The following OXSR1 variants were observed in gnomAD, a reference collection of about 807,000 sequenced individuals.
OXSR1 encodes oxidative stress responsive kinase 1.
In OXSR1, 24 loss-of-function variants were observed where a neutral mutation model predicts 79.8. The observed-to-expected ratio is 0.30, with a 90% CI of 0.22 to 0.42. The LOEUF (loss-of-function observed/expected upper bound fraction) is 0.42, where lower values mean the gene tolerates loss of function less well. Ranked by LOEUF, OXSR1 falls within the 10% of genes least tolerant of loss-of-function variation. The pLI, the probability that OXSR1 is intolerant of heterozygous loss-of-function variation, is 1.00. For missense variants in OXSR1, 430 were observed against 618.4 expected (o/e 0.70, Z 3.23); for synonymous variants, 226 against 209.2 (o/e 1.08, Z -0.69).
At chr3:38,242,407 A>G (rs911023026) in intron 11 of OXSR1, among the ~76,000 whole-genome samples, 2 of 152,228 alleles carry the variant, frequency 1.3e-5, no homozygotes, top group African/African-American at 4.8e-5. Context: ...CTGGGATCTT[A>G]TATACATAAT....
upstream of OXSR1, chr3:38,165,040 G>A (rs1337708987): frequency 2.0e-5 from 3 of 152,264 alleles, no homozygotes; most frequent in African/African-American, 7.2e-5. Context: ...GTTACGCCGT[G>A]ACGTCACTCC....
chr3:38,186,547 T>C (rs2125811519), intron 2 of OXSR1, among the ~76,000 whole-genome samples: 1 of 152,338 alleles, frequency 6.6e-6, no homozygotes, highest in Non-Finnish European at 1.5e-5. Context: ...ACATTTCATA[T>C]AAATAGGTTC....
upstream of OXSR1, among the ~76,000 whole-genome samples, chr3:38,164,433 A>C (rs1021650603): frequency 2.3e-4 from 35 of 152,212 alleles, 1 homozygote; most frequent in Admixed American, 2.3e-3. Context: ...GGCGTGAGCC[A>C]CCGCACCCGG....
At chr3:38,234,400 A>G (rs999181426) in intron 10 of OXSR1, among the ~76,000 whole-genome samples, 1 of 152,222 alleles carries the variant, frequency 6.6e-6, no homozygotes, top group African/African-American at 2.4e-5. Flanking sequence ...TTGCAACTCA[A>G]TAATAAAAAG....
chr3:38,245,601 T>A (rs375228132), intron 12 of OXSR1, among the ~76,000 whole-genome samples: 1 of 152,166 alleles, frequency 6.6e-6, no homozygotes, highest in African/African-American at 2.4e-5. Flanking sequence ...AAGATAAATA[T>A]AATGCAAACT....
At chr3:38,208,093 A>G (rs1468271278) in intron 4 of OXSR1, among the ~76,000 whole-genome samples, 3 of 152,010 alleles carry the variant, frequency 2.0e-5, no homozygotes, top group Non-Finnish European at 2.9e-5. Flanking sequence ...ATATCAAGGT[A>G]TGCATACATA....
intron 15 of OXSR1, 61 bp from the exon 16 acceptor site, chr3:38,251,342 T>G: frequency 8.9e-5 from 121 of 1,351,970 alleles, no homozygotes; most frequent in Non-Finnish European, 1.1e-4. Flanking sequence ...ACATGAGCTG[T>G]GAGAGTTAAC....
At chr3:38,208,959 AGTGTGTGTGTGT>A (rs144109114) in intron 4 of OXSR1, among the ~76,000 whole-genome samples, 15 of 146,876 alleles carry the variant, frequency 1.0e-4, no homozygotes, top group African/African-American at 3.9e-4. Context: ...CCAGTTAAGG[AGTGTGTGTGTGT>A]GTGTGTGTGT....
rs1395112194 is a variant in OXSR1, at chr3:38,254,491, G to A, written c.*1600G>A. ...AGAGTAGGTGAGATGATCAGACACC[G>A]GAGTTCAACGTCCCAGCAGTCTTGG... is the stretch of plus-strand genomic sequence containing the variant. On this transcript the variant is annotated 3_prime_UTR_variant, in exon 18 of 18. Transcript: ENST00000311806. 7 of 369,826 alleles carry A rather than the reference G, an allele frequency of 1.9e-5. No individual in the cohort carries two copies. Among genetic ancestry groups the A allele is most frequent in the East Asian group, 1.5e-4 (4 of 25,970 alleles). 22.9% of individuals were successfully genotyped at this position (369,826 alleles called of 1,614,324 possible). A position where few individuals can be genotyped will look rare whatever the true frequency, so the allele number is the denominator to read the frequency against.
rs2125857644 is a variant in OXSR1 at position 38,252,926 on chromosome 3, C to G, written c.*35C>G. 3.2e-6 allele frequency: 5 copies of G among 1,539,720 alleles called. No homozygotes were observed. The highest frequency in any genetic ancestry group is 4.5e-5 in the East Asian group (2 of 44,490). Reference sequence around the variant, plus strand: ...CTGGAAGAGGCGGCCTAAGGAGATTCCACACATGCGTATCTCTGTTGCTTC... The same window carrying G: ...CTGGAAGAGGCGGCCTAAGGAGATTGCACACATGCGTATCTCTGTTGCTTC... On this transcript the variant is annotated 3_prime_UTR_variant, in exon 18 of 18. Transcript: ENST00000311806.
At chr3:38,221,273 G>A (rs967067610) in intron 5 of OXSR1, among the ~76,000 whole-genome samples, 8 of 152,002 alleles carry the variant, frequency 5.3e-5, no homozygotes, top group African/African-American at 1.9e-4. Context: ...TACCTGCTAA[G>A]CTATGTCTTT....
intron 1 of OXSR1, among the ~76,000 whole-genome samples, chr3:38,177,187 T>C (rs1051554703): frequency 6.6e-6 from 1 of 152,334 alleles, no homozygotes; most frequent in East Asian, 1.9e-4. Flanking sequence ...TCTTGTAGAT[T>C]TGTGACCAGC....
intron 11 of OXSR1, among the ~76,000 whole-genome samples, chr3:38,240,216 A>G (rs1423285862): frequency 6.6e-6 from 1 of 152,142 alleles, no homozygotes; most frequent in African/African-American, 2.4e-5. Flanking sequence ...ACAAACCTTG[A>G]GCTCCTTTTA....
chr3:38,243,228 C>G (rs1307563465), intron 12 of OXSR1, among the ~76,000 whole-genome samples: 1 of 151,964 alleles, frequency 6.6e-6, no homozygotes, highest in Non-Finnish European at 1.5e-5. Flanking sequence ...TAGGGTCTCA[C>G]CATGTTGCCC....
At chr3:38,206,189 A>G (rs1414399889) in intron 4 of OXSR1, among the ~76,000 whole-genome samples, 2 of 152,150 alleles carry the variant, frequency 1.3e-5, no homozygotes, top group African/African-American at 4.8e-5. Flanking sequence ...TTTGCTGGTG[A>G]AAAAAAGAGG....
In OXSR1 at chr3:38,178,635, T is replaced by C. The variant is rs1420911435; in HGVS notation, c.71-4368T>C. Among the ~76,000 whole-genome samples, 54 of 142,370 alleles carry C rather than the reference T, an allele frequency of 3.8e-4. 1 individual carries two copies. Among genetic ancestry groups the C allele is most frequent in the African/African-American group, 1.4e-3 (53 of 38,886 alleles). The allele number at this position is 142,370 out of a possible 152,430, so 93.4% of individuals were successfully genotyped here. Reference sequence around the variant, plus strand: ...ATATATATATATTTTTTTTTTTTTTTTTTTTTCTTTTTTTGTATTTTTTGT... The same window carrying C: ...ATATATATATATTTTTTTTTTTTTTCTTTTTTCTTTTTTTGTATTTTTTGT... On this transcript the variant is annotated intron_variant, in intron 1 of 17. Transcript: ENST00000311806.
At chr3:38,241,951 C>T (rs953035948) in intron 11 of OXSR1, among the ~76,000 whole-genome samples, 7 of 150,744 alleles carry the variant, frequency 4.6e-5, no homozygotes, top group African/African-American at 1.7e-4. Flanking sequence ...CATATTCTGA[C>T]TAAGTCCATC....
At chr3:38,217,758 A>C (rs1702511720) in intron 5 of OXSR1, among the ~76,000 whole-genome samples, 2 of 152,054 alleles carry the variant, frequency 1.3e-5, no homozygotes, top group South Asian at 4.1e-4. Flanking sequence ...AACTGTACCC[A>C]CTAAAAAATA....
intron 12 of OXSR1, among the ~76,000 whole-genome samples, chr3:38,244,642 T>TGTGTGTGTGC: frequency 7.9e-6 from 1 of 126,078 alleles, no homozygotes; most frequent in Non-Finnish European, 1.8e-5. Flanking sequence ...TTCCTCTGTG[T>TGTGTGTGTGC]GTGTGTGTGT....
Sources: gnomAD v4.1 joint callset for allele counts (sites outside exome capture counted in the v4.1 genomes callset) on GRCh38, gnomAD v4.1.1 for gene constraint, MANE v1.5 for transcripts, NCBI Gene and HGNC (gene_info 2026-07-23, HGNC 2026-07-21) for gene names.